The following GOLGA1 variants were observed in gnomAD, a reference collection of about 807,000 sequenced individuals.
GOLGA1 encodes golgin A1.
In GOLGA1, 63 loss-of-function variants were observed where a neutral mutation model predicts 119.7. That is an observed-to-expected ratio of 0.53 (90% CI 0.43 to 0.65). The LOEUF (loss-of-function observed/expected upper bound fraction) is 0.65. Among genes scored for constraint, GOLGA1 ranks in the 30% least tolerant of loss-of-function variants. The probability of loss-of-function intolerance (pLI) is 0.00; values close to 1 mark genes in which losing one functional copy is unlikely to be tolerated. For synonymous variants in GOLGA1, 318 were observed against 333.4 expected (o/e 0.95, Z 0.50); for missense variants, 798 against 912.8 (o/e 0.87, Z 1.62).
chr9:124,907,368 G>A (rs994138370), intron 12 of GOLGA1, among the ~76,000 whole-genome samples: 1 of 152,166 alleles, frequency 6.6e-6, no homozygotes, highest in Non-Finnish European at 1.5e-5. Flanking sequence ...TTATGTGAAG[G>A]AAAAATTATA....
chr9:124,897,438 G>A (rs1830006000), intron 15 of GOLGA1, among the ~76,000 whole-genome samples: 2 of 152,076 alleles, frequency 1.3e-5, no homozygotes, highest in Admixed American at 6.6e-5. Flanking sequence ...TCCACCTCCC[G>A]GGTTCAAGTA....
intron 15 of GOLGA1, 30 bp downstream of exon 15, chr9:124,898,519 T>C (rs1830028003): frequency 7.9e-7 from 1 of 1,271,704 alleles, no homozygotes; most frequent in Non-Finnish European, 1.1e-6. Context: ...TGAACACTTT[T>C]ATGAAACTTT....
chr9:124,927,016 G>C (rs1295156017), intron 6 of GOLGA1, among the ~76,000 whole-genome samples: 1 of 152,158 alleles, frequency 6.6e-6, no homozygotes, highest in Non-Finnish European at 1.5e-5. Flanking sequence ...CCCAAGAAAA[G>C]CTGTATCTGC....
chr9:124,937,007 T>G (rs1481460295), intron 3 of GOLGA1, among the ~76,000 whole-genome samples: 3 of 152,038 alleles, frequency 2.0e-5, no homozygotes, highest in African/African-American at 2.4e-5. Context: ...CTAAATTGGG[T>G]AGAGGAAATT....
rs190600559 is a variant in GOLGA1, at chr9:124,938,620, T to C, written c.92A>G (p.Lys31Arg). 2 of 1,613,620 alleles carry C rather than the reference T, an allele frequency of 1.2e-6. No individual in the cohort carries two copies. Among genetic ancestry groups the C allele is most frequent in the Middle Eastern group, 1.7e-4 (1 of 6,048 alleles). Residue 31 changes from lysine to arginine, a missense_variant, in exon 3 of 23, where the codon AAG becomes AGG. Lys to Arg is a conservative substitution (Grantham distance 26, BLOSUM62 2). Transcript: ENST00000373555. ...AGCTCCCATTGAGGCAACTGATTCC[T>C]TGCTCACAGACCGTGGGATCCTAGT... ...GATRIPRSVS[K>R]ESVASMGADS...
chr9:124,937,543 A>G (rs1319792123), intron 3 of GOLGA1, among the ~76,000 whole-genome samples: 4 of 151,980 alleles, frequency 2.6e-5, no homozygotes, highest in Non-Finnish European at 5.9e-5. Context: ...AGGCAGGAGA[A>G]CTGCTTGAAC....
intron 14 of GOLGA1, 137 bp downstream of exon 14, chr9:124,899,192 T>C: frequency 2.8e-6 from 2 of 721,070 alleles, no homozygotes; most frequent in East Asian, 2.7e-5. Flanking sequence ...TGAGACCCTG[T>C]CTCAAACAAA....
upstream of GOLGA1, chr9:124,944,225 C>G (rs905585067): frequency 2.6e-5 from 4 of 151,792 alleles, no homozygotes; most frequent in African/African-American, 9.7e-5. Context: ...TTGTACTGAA[C>G]CATTAGAAGG....
chr9:124,943,947 C>A (rs1272308076), upstream of GOLGA1: 3 of 152,200 alleles, frequency 2.0e-5, no homozygotes, highest in Non-Finnish European at 4.4e-5. Context: ...TGGTGCTACA[C>A]AACGAAGATA....
At chr9:124,935,613 C>T (rs765846953) in intron 3 of GOLGA1, among the ~76,000 whole-genome samples, 13 of 151,964 alleles carry the variant, frequency 8.6e-5, no homozygotes, top group Middle Eastern at 6.8e-3. Flanking sequence ...ACTGGGCACA[C>T]GGTGAAACCT....
intron 12 of GOLGA1, among the ~76,000 whole-genome samples, chr9:124,901,740 T>C (rs1158587860): frequency 6.6e-6 from 1 of 152,146 alleles, no homozygotes; most frequent in Non-Finnish European, 1.5e-5. Context: ...TGGTTGCTAA[T>C]TTTTGTATTT....
intron 14 of GOLGA1, among the ~76,000 whole-genome samples, chr9:124,898,908 G>C (rs1830037530): frequency 6.6e-6 from 1 of 152,162 alleles, no homozygotes; most frequent in East Asian, 1.9e-4. Context: ...GATAAGAACT[G>C]CTCTCGGCTG....
At chr9:124,907,087 T>G (rs971118509) in intron 12 of GOLGA1, among the ~76,000 whole-genome samples, 1 of 152,160 alleles carries the variant, frequency 6.6e-6, no homozygotes, top group Non-Finnish European at 1.5e-5. Context: ...TTTGTCTTAT[T>G]GGGTGTTGAG....
chr9:124,900,509 C>T lies in GOLGA1; in HGVS notation c.1104G>A (p.Glu368=), dbSNP rs1830081777. Residue 368 remains glutamate, a synonymous_variant, in exon 13 of 23, where the codon GAG becomes GAA. Coordinates refer to ENST00000373555, the MANE Select transcript of GOLGA1 (RefSeq NM_002077.4). ...ELEQTLQASE[E]QLQQSKGIVA... ...CAATGCCCTTGCTCTGTTGGAGCTG[C>T]TCCTCAGAGGCCTGCAAGGTCTGCT... 2.5e-6 allele frequency: 4 copies of T among 1,602,570 alleles called. No homozygotes were observed. In the South Asian group the frequency reaches 3.3e-5, roughly 13 times the overall value.
In GOLGA1 at chr9:124,889,424, G is replaced by T. The variant is rs373364298; in HGVS notation, c.1600+10C>A. 1 of 1,603,996 alleles carries T rather than the reference G, an allele frequency of 6.2e-7. No homozygotes were observed. Among genetic ancestry groups the T allele is most frequent in the Non-Finnish European group, 8.5e-7 (1 of 1,170,622 alleles). On this transcript the variant is annotated intron_variant, in intron 17 of 22. Coordinates refer to ENST00000373555, the MANE Select transcript of GOLGA1 (RefSeq NM_002077.4). ...AGGAGAGAAGGCTCAGCCAGGGACC[G>T]ACTCCTCACCTCGCTCCAGCTGGAG...
rs1387935555 is a variant in GOLGA1, at chr9:124,878,521, A to T, written c.*2009T>A. On this transcript the variant is annotated 3_prime_UTR_variant, in exon 23 of 23. Coordinates refer to ENST00000373555, the MANE Select transcript of GOLGA1 (RefSeq NM_002077.4). ...AAGGGCTATAGATACCGTCGCTAAC[A>T]CAGAAAGTTTTATACAAGTCAAAGT... The T allele has an allele frequency of 1.3e-5, 2 of 152,664 alleles. No individual in the cohort carries two copies. The highest frequency in any genetic ancestry group is 4.8e-5 in the African/African-American group (2 of 41,458). The allele number at this position is 152,664 out of a possible 1,614,324, so 9.5% of individuals were successfully genotyped here. A position where few individuals can be genotyped will look rare whatever the true frequency, so the allele number is the denominator to read the frequency against.
intron 19 of GOLGA1, among the ~76,000 whole-genome samples, chr9:124,884,231 C>T (rs912948322): frequency 6.8e-6 from 1 of 147,344 alleles, no homozygotes; most frequent in South Asian, 2.2e-4. Context: ...AGGCTGGTCT[C>T]GAACTCCTGG....
At chr9:124,941,120 G>A (rs1012798985), upstream of GOLGA1, 1 of 99,424 alleles carries the variant, frequency 1.0e-5, no homozygotes, top group Non-Finnish European at 2.6e-5. Flanking sequence ...ACTGCGCGGT[G>A]GGGGGAGGGG....
chr9:124,904,154 T>C (rs7031788), intron 12 of GOLGA1, among the ~76,000 whole-genome samples: 26,890 of 149,272 alleles, frequency 0.18, 2,985 homozygotes, highest in Non-Finnish European at 0.24. Flanking sequence ...ACTGAAGATG[T>C]ATATACTAAG....
Sources: allele counts gnomAD v4.1 joint callset (sites outside exome capture counted in the v4.1 genomes callset), GRCh38; gene constraint gnomAD v4.1.1; transcripts MANE v1.5; gene names NCBI Gene and HGNC (gene_info 2026-07-23, HGNC 2026-07-21).